Variants in B3GALT1 observed in about 807,000 individuals in gnomAD.
The protein encoded by B3GALT1 is UDP-Gal:betaGlcNAc beta 1,3-galactosyltransferase, polypeptide 1.
B3GALT1 carries 10 observed loss-of-function variants against 23.2 expected under a neutral mutation model. The ratio of observed to expected loss-of-function variants is 0.43; its 90% CI spans 0.27 to 0.73. The LOEUF (loss-of-function observed/expected upper bound fraction) is 0.73, where lower values mean the gene tolerates loss of function less well. Among genes scored for constraint, B3GALT1 ranks in the 30% least tolerant of loss-of-function variants. B3GALT1 has a pLI of 0.21. For synonymous variants in B3GALT1, 156 were observed against 141.5 expected, an observed-to-expected ratio of 1.10 and a Z score of -0.73; for missense variants, 299 against 405.4, an observed-to-expected ratio of 0.74 and a Z score of 2.25.
rs951750170 is a variant in B3GALT1, at chr2:167,663,228, C to T, written c.-352+16262C>T. 2.6e-4 allele frequency among the ~76,000 whole-genome samples: 39 copies of T among 150,384 alleles called. No individual in the cohort carries two copies. The East Asian group carries it at 6.0e-3, about 23-fold the overall frequency. The stretch of plus-strand genomic sequence containing the variant: ...TGCGGTGTTTGGTTTTTTGTTCTTG[C>T]GATAGTTTACTGAGAATGATGATTT... On this transcript the variant is annotated intron_variant, in intron 3 of 4. Coordinates refer to ENST00000392690, the MANE Select transcript of B3GALT1 (RefSeq NM_020981.4).
At chr2:167,803,470 C>T (rs768636504) in intron 3 of B3GALT1, among the ~76,000 whole-genome samples, 11 of 152,076 alleles carry the variant, frequency 7.2e-5, no homozygotes, top group South Asian at 6.2e-4. Flanking sequence ...TTCTGTCGTC[C>T]CTGAGATTTC....
At chr2:167,676,085 C>T (rs946740767) in intron 3 of B3GALT1, among the ~76,000 whole-genome samples, 2 of 151,962 alleles carry the variant, frequency 1.3e-5, no homozygotes, top group East Asian at 3.9e-4. Flanking sequence ...AGACCACGCC[C>T]CTCCCGATGC....
At position 167,352,740 on chromosome 2, in the gene B3GALT1, CA is replaced by C. The variant is rs888275694; in HGVS notation, c.-511+59409del. Among the ~76,000 whole-genome samples, 7 of 151,288 alleles carry C rather than the reference CA, an allele frequency of 4.6e-5. 1 individual carries two copies. Among genetic ancestry groups the C allele is most frequent in the East Asian group, 2.0e-4 (1 of 5,118 alleles). On this transcript the variant is annotated intron_variant, in intron 1 of 4. Transcript: ENST00000392690. The stretch of plus-strand genomic sequence containing the variant: ...CATCTCAAAAAGAAAAAAAAACAAA[CA>C]AACTGTACCAAGAACTGGAAGGACT...
At chr2:167,730,738 A>G (rs780708883) in intron 3 of B3GALT1, among the ~76,000 whole-genome samples, 16 of 152,230 alleles carry the variant, frequency 1.1e-4, no homozygotes, top group Non-Finnish European at 1.6e-4. Flanking sequence ...ATAAAATTCA[A>G]TAACTTGAAT....
At chr2:167,379,307 A>G (rs927267642) in intron 1 of B3GALT1, among the ~76,000 whole-genome samples, 2 of 152,168 alleles carry the variant, frequency 1.3e-5, no homozygotes, top group African/African-American at 4.8e-5. Flanking sequence ...CTCTCCCTTG[A>G]CATGTGGGGA....
chr2:167,435,488 A>G (rs1698770950), intron 1 of B3GALT1, among the ~76,000 whole-genome samples: 1 of 149,134 alleles, frequency 6.7e-6, no homozygotes, highest in African/African-American at 2.5e-5. Context: ...CTTTTTAAAT[A>G]CTGGGAGTTA....
At chr2:167,707,681 A>G (rs1202493672) in intron 3 of B3GALT1, among the ~76,000 whole-genome samples, 1 of 152,104 alleles carries the variant, frequency 6.6e-6, no homozygotes, top group African/African-American at 2.4e-5. Context: ...ATAATCCAGG[A>G]TCATCTTCTC....
intron 1 of B3GALT1, among the ~76,000 whole-genome samples, chr2:167,397,796 A>C (rs1559084778): frequency 6.6e-6 from 1 of 152,108 alleles, no homozygotes; most frequent in Non-Finnish European, 1.5e-5. Flanking sequence ...CCACCTAAGA[A>C]CATCATCATC....
chr2:167,505,547 C>T (rs761162664), intron 2 of B3GALT1, among the ~76,000 whole-genome samples: 1 of 152,060 alleles, frequency 6.6e-6, no homozygotes, highest in Non-Finnish European at 1.5e-5. Flanking sequence ...TTATTTCCTA[C>T]GTGAGGGCAT....
At chr2:167,309,417 C>T (rs1696601842) in intron 1 of B3GALT1, among the ~76,000 whole-genome samples, 1 of 151,910 alleles carries the variant, frequency 6.6e-6, no homozygotes, top group Admixed American at 6.6e-5. Flanking sequence ...GTTTATGGAC[C>T]TTAAAATTAC....
At chr2:167,776,989 T>C (rs1688172478) in intron 3 of B3GALT1, among the ~76,000 whole-genome samples, 4 of 152,298 alleles carry the variant, frequency 2.6e-5, no homozygotes, top group African/African-American at 9.6e-5. Flanking sequence ...TGTGTTTGTT[T>C]TGGTTTTTAC....
intron 3 of B3GALT1, among the ~76,000 whole-genome samples, chr2:167,668,831 G>A (rs570071323): frequency 1.3e-5 from 2 of 152,320 alleles, no homozygotes; most frequent in East Asian, 1.9e-4. Context: ...TGCACCCACT[G>A]ACCTGCGCCC....
rs148749844 is a variant in B3GALT1 at position 167,602,999 on chromosome 2, C to G, written c.-409-43910C>G. ...AAGCCACCACCTTACTCAATAATGGCAGGATCAAATAAAATGGCACCATTG... is the reference window on the plus strand; with the variant it reads ...AAGCCACCACCTTACTCAATAATGGGAGGATCAAATAAAATGGCACCATTG... On this transcript the variant is annotated intron_variant, in intron 2 of 4. Coordinates refer to ENST00000392690, the MANE Select transcript of B3GALT1 (RefSeq NM_020981.4). Among the ~76,000 whole-genome samples the G allele has an allele frequency of 8.0e-4, 122 of 152,268 alleles. 1 individual carries two copies. Among genetic ancestry groups the G allele is most frequent in the African/African-American group, 2.7e-3 (114 of 41,572 alleles).
At chr2:167,651,451 C>A (rs914921084) in intron 3 of B3GALT1, among the ~76,000 whole-genome samples, 1 of 152,100 alleles carries the variant, frequency 6.6e-6, no homozygotes, top group Middle Eastern at 3.2e-3. Flanking sequence ...CCTCTTATAA[C>A]CTGAGTCACT....
At chr2:167,537,272 G>A (rs1042338933) in intron 2 of B3GALT1, among the ~76,000 whole-genome samples, 2 of 151,958 alleles carry the variant, frequency 1.3e-5, no homozygotes, top group African/African-American at 2.4e-5. Flanking sequence ...CAGTATGGGG[G>A]AAACCACCGT....
chr2:167,612,367 T>TTTATTATTATTATTATTATTATTA (rs3062675), intron 2 of B3GALT1, among the ~76,000 whole-genome samples: 6 of 145,134 alleles, frequency 4.1e-5, no homozygotes, highest in African/African-American at 1.5e-4. Flanking sequence ...TTATTAGGCC[T>TTTATTATTATTATTATTATTATTA]TTATTATTAT....
chr2:167,559,310 C>G (rs944303785), intron 2 of B3GALT1, among the ~76,000 whole-genome samples: 7 of 152,134 alleles, frequency 4.6e-5, no homozygotes, highest in Middle Eastern at 3.2e-3. Flanking sequence ...ATCTGTACAT[C>G]ACCATCATCA....
chr2:167,727,158 C>T (rs1193631557), intron 3 of B3GALT1, among the ~76,000 whole-genome samples: 2 of 151,422 alleles, frequency 1.3e-5, no homozygotes, highest in Non-Finnish European at 2.9e-5. Flanking sequence ...GTAGCCAAAA[C>T]GAAGGACAGT....
chr2:167,476,904 T>C (rs1343071832), intron 1 of B3GALT1, among the ~76,000 whole-genome samples: 1 of 152,188 alleles, frequency 6.6e-6, no homozygotes, highest in African/African-American at 2.4e-5. Context: ...TTTCTGAATT[T>C]TCAGAAAGCC....
Sources: allele counts gnomAD v4.1 joint callset (sites outside exome capture counted in the v4.1 genomes callset), GRCh38; gene constraint gnomAD v4.1.1; transcripts MANE v1.5; gene names NCBI Gene and HGNC (gene_info 2026-07-23, HGNC 2026-07-21).